Variants in AP5M1 observed in about 807,000 individuals in gnomAD.
AP5M1 encodes the protein AP-5 complex subunit mu-1.
AP5M1 carries 44 observed loss-of-function variants against 52.3 expected under a neutral mutation model. That is an observed-to-expected ratio of 0.84 (90% CI 0.66 to 1.08). The LOEUF (loss-of-function observed/expected upper bound fraction) is 1.08. AP5M1 is among the 50% of genes least tolerant of loss of function. AP5M1 has a pLI of 0.00. For missense variants in AP5M1, 526 were observed against 568.4 expected, an observed-to-expected ratio of 0.93 and a Z score of 0.76; for synonymous variants, 213 against 199.0, an observed-to-expected ratio of 1.07 and a Z score of -0.59.
chr14:57,279,636 T>C (rs569180210), intron 2 of AP5M1, among the ~76,000 whole-genome samples: 1 of 152,292 alleles, frequency 6.6e-6, no homozygotes, highest in East Asian at 1.9e-4. Context: ...GGCCCACGTT[T>C]ACATATGTAA....
At chr14:57,276,090 G>A (rs141898831) in intron 2 of AP5M1, among the ~76,000 whole-genome samples, 18 of 151,480 alleles carry the variant, frequency 1.2e-4, no homozygotes, top group African/African-American at 3.6e-4. Context: ...CCTGTTTAAC[G>A]TTAAAGTTAC....
chr14:57,273,780 T>G, intron 1 of AP5M1: 1 of 700,498 alleles, frequency 1.4e-6, no homozygotes, highest in Non-Finnish European at 2.6e-6. Context: ...CCTTTTAAAA[T>G]TGTACCATCT....
chr14:57,278,848 C>A (rs1885101365), intron 2 of AP5M1, among the ~76,000 whole-genome samples: 1 of 152,094 alleles, frequency 6.6e-6, no homozygotes, highest in Admixed American at 6.5e-5. Context: ...TGAAGAAAAA[C>A]AACCCCATTA....
At chr14:57,271,067 A>G (rs1406356851) in intron 1 of AP5M1, 1 of 152,224 alleles carries the variant, frequency 6.6e-6, no homozygotes, top group Non-Finnish European at 1.5e-5. Flanking sequence ...GGTAATGTTA[A>G]TTGATTTTTA....
Position 57,269,229 on chromosome 14 carries a change from A to G in AP5M1, c.-86A>G. On this transcript the variant is annotated 5_prime_UTR_variant, in exon 1 of 8. Transcript: ENST00000261558. ...CAGGATGAGCCTCAGGGCTTCTGTTAAGAGTCTGTCTGAGAAAGCCGGTCT... is the reference window on the plus strand; with the variant it reads ...CAGGATGAGCCTCAGGGCTTCTGTTGAGAGTCTGTCTGAGAAAGCCGGTCT... The G allele has an allele frequency of 7.7e-7, 1 of 1,305,514 alleles. No individual in the cohort carries two copies. Among genetic ancestry groups the G allele is most frequent in the Non-Finnish European group, 1.1e-6 (1 of 911,696 alleles). 80.9% of individuals were successfully genotyped at this position (1,305,514 alleles called of 1,614,324 possible). A position where few individuals can be genotyped will look rare whatever the true frequency, so the allele number is the denominator to read the frequency against.
At chr14:57,288,744 C>A in intron 7 of AP5M1, 58 bp from the exon 8 acceptor site, 1 of 1,042,582 alleles carries the variant, frequency 9.6e-7, no homozygotes, top group Non-Finnish European at 1.5e-6. Flanking sequence ...CATGACTTTG[C>A]TCTCGTTGAA....
intron 2 of AP5M1, among the ~76,000 whole-genome samples, chr14:57,279,893 G>A (rs1885130959): frequency 6.6e-6 from 1 of 152,098 alleles, no homozygotes; most frequent in Admixed American, 6.5e-5. Context: ...AGAAGGCTGT[G>A]GCAGAAATTG....
intron 7 of AP5M1, 87 bp downstream of exon 7, chr14:57,286,406 C>T (rs1027890699): frequency 1.6e-5 from 14 of 859,468 alleles, no homozygotes; most frequent in East Asian, 9.7e-5. Context: ...TGTAACAGAA[C>T]TTAGAGATTA....
rs1001591112 is a variant in AP5M1, at chr14:57,283,175, G to A, written c.1238G>A (p.Ser413Asn). The A allele has an allele frequency of 3.7e-6, 6 of 1,613,740 alleles. No homozygotes were observed. The highest frequency in any genetic ancestry group is 5.1e-6 in the Non-Finnish European group (6 of 1,179,932). ...GGAACTGTAACTTTTGGAGCCAAGA[G>A]CCATGAGAAGCAGCCATTTGACCCA... ...LSGTVTFGAKSHEKQPFDPIC... is the reference protein window; with the variant it reads ...LSGTVTFGAKNHEKQPFDPIC... Residue 413 changes from serine to asparagine, a missense_variant, in exon 6 of 8, where the codon AGC (serine) becomes AAC (asparagine). Physicochemically the swap from Ser to Asn is conservative, Grantham distance 46 (BLOSUM62 1). Coordinates refer to ENST00000261558, the MANE Select transcript of AP5M1 (RefSeq NM_018229.4).
chr14:57,287,379 A>G (rs1266336453), intron 7 of AP5M1, among the ~76,000 whole-genome samples: 1 of 152,130 alleles, frequency 6.6e-6, no homozygotes, highest in Non-Finnish European at 1.5e-5. Context: ...GCTTGTCAAT[A>G]TAATTTCTAC....
chr14:57,272,304 C>G (rs112503617), intron 1 of AP5M1, among the ~76,000 whole-genome samples: 2 of 152,088 alleles, frequency 1.3e-5, no homozygotes, highest in African/African-American at 4.8e-5. Context: ...CACAGATAGG[C>G]ACTGACACTT....
rs1309384635 is a variant in AP5M1, at chr14:57,288,913, A to G, written c.*29A>G. 6.3e-6 allele frequency: 8 copies of G among 1,278,090 alleles called. No individual in the cohort carries two copies. Among genetic ancestry groups the G allele is most frequent in the African/African-American group, 3.0e-5 (2 of 66,100 alleles). 79.2% of individuals were successfully genotyped at this position (1,278,090 alleles called of 1,614,324 possible). On this transcript the variant is annotated 3_prime_UTR_variant, in exon 8 of 8. Transcript: ENST00000261558. ...TCTCATGTTTAAATGGGATTATATA[A>G]TGATAACAGTTTAAAGAAAATCATA...
At chr14:57,279,206 T>G (rs1447593573) in intron 2 of AP5M1, among the ~76,000 whole-genome samples, 1 of 152,162 alleles carries the variant, frequency 6.6e-6, no homozygotes, top group African/African-American at 2.4e-5. Flanking sequence ...TATAAATCAT[T>G]CTGTTATAAA....
intron 2 of AP5M1, among the ~76,000 whole-genome samples, chr14:57,278,778 T>A (rs142248322): frequency 1.3e-5 from 2 of 152,148 alleles, no homozygotes. Flanking sequence ...TTTAGGGAAA[T>A]GCAAGAATCC....
chr14:57,282,207 C>A lies in AP5M1; in HGVS notation c.1067C>A (p.Ala356Asp). 6.5e-7 allele frequency: 1 copy of A among 1,549,736 alleles called. No homozygotes were observed. The highest frequency in any genetic ancestry group is 8.7e-7 in the Non-Finnish European group (1 of 1,155,116). ...SVKNNFEFCE[A>D]HIPFYNRGPI... ...AAAAATAATTTTGAATTCTGTGAAGCCCATATACCTTTTTACAATAGGTAG... is the reference window on the plus strand; with the variant it reads ...AAAAATAATTTTGAATTCTGTGAAGACCATATACCTTTTTACAATAGGTAG... Residue 356 changes from alanine (A) to aspartate (D), a missense_variant, in exon 4 of 8, where the codon GCC becomes GAC. Ala to Asp is a moderately radical substitution (Grantham distance 126, BLOSUM62 -2). This residue lies in a region of AP5M1 where 425 missense variants were observed against 430.6 expected (regional missense o/e 0.99). Transcript: ENST00000261558.
intron 3 of AP5M1, among the ~76,000 whole-genome samples, chr14:57,281,806 G>T (rs923532539): frequency 6.6e-6 from 1 of 152,224 alleles, no homozygotes; most frequent in Non-Finnish European, 1.5e-5. Context: ...TATGCCTACT[G>T]CATGCCCTAT....
chr14:57,277,401 T>C (rs1429924124), intron 2 of AP5M1, among the ~76,000 whole-genome samples: 3 of 152,180 alleles, frequency 2.0e-5, no homozygotes, highest in African/African-American at 7.2e-5. Context: ...ACTATTGATG[T>C]TTGCTTATTT....
chr14:57,286,442 C>A, intron 7 of AP5M1, 123 bp downstream of exon 7: 1 of 681,912 alleles, frequency 1.5e-6, no homozygotes, highest in Non-Finnish European at 2.6e-6. Flanking sequence ...TTATAAAATT[C>A]TGGGCTGATT....
At chr14:57,285,058 A>C (rs529702807) in intron 6 of AP5M1, among the ~76,000 whole-genome samples, 3 of 152,278 alleles carry the variant, frequency 2.0e-5, no homozygotes, top group African/African-American at 7.2e-5. Flanking sequence ...GGAAGATTAA[A>C]AAAAACAAAT....
Sources: allele counts gnomAD v4.1 joint callset (sites outside exome capture counted in the v4.1 genomes callset), GRCh38; gene constraint gnomAD v4.1.1; regional missense constraint gnomAD v4.1.1; transcripts MANE v1.5; gene names NCBI Gene and HGNC (gene_info 2026-07-23, HGNC 2026-07-21).